The following SLC7A6 variants were observed in gnomAD, a reference collection of about 807,000 sequenced individuals.
SLC7A6 encodes the protein solute carrier family 7 member 6.
Under a neutral mutation model 46.6 loss-of-function variants are expected in SLC7A6, and 29 were observed. The ratio of observed to expected loss-of-function variants is 0.62; its 90% CI spans 0.46 to 0.85. The LOEUF is 0.85. SLC7A6 is among the 40% of genes least tolerant of loss of function. The pLI, the probability that SLC7A6 is intolerant of heterozygous loss-of-function variation, is 0.00. For missense variants in SLC7A6, 527 were observed against 647.6 expected (o/e 0.81, Z 2.02); for synonymous variants, 276 against 257.3 (o/e 1.07, Z -0.70).
In SLC7A6 at chr16:68,276,457, T is replaced by C. The variant is rs978763337; in HGVS notation, c.523+1208T>C. Among the ~76,000 whole-genome samples, 3 of 152,196 alleles carry C rather than the reference T, an allele frequency of 2.0e-5. No homozygotes were observed. The South Asian group carries it at 6.2e-4, about 32-fold the overall frequency. On this transcript the variant is annotated intron_variant, in intron 3 of 10. Transcript: ENST00000219343. ...TATGCAGTTTATCCAGTGTTAAAAA[T>C]AGCCTGAGAGTACCTTGGAGTTAGC... is the stretch of plus-strand genomic sequence containing the variant.
chr16:68,297,196 T>C, intron 10 of SLC7A6, 38 bp from the exon 11 acceptor site: 1 of 1,594,496 alleles, frequency 6.3e-7, no homozygotes, highest in Non-Finnish European at 8.6e-7. Context: ...TGTAGCTAGA[T>C]GTTTACTAAA....
In SLC7A6 at chr16:68,297,446, T is replaced by G; in HGVS notation, c.*118T>G. On this transcript the variant is annotated 3_prime_UTR_variant, in exon 11 of 11. Transcript: ENST00000219343. ...GGAGCCTTTTGACCCAATCATATAG[T>G]GGGGCTCAGGGCCAGTGCTCACTCT... is the stretch of plus-strand genomic sequence containing the variant. 2.8e-6 allele frequency: 2 copies of G among 721,226 alleles called. No homozygotes were observed. Among genetic ancestry groups the G allele is most frequent in the East Asian group, 6.5e-5 (2 of 30,944 alleles). The allele number at this position is 721,226 out of a possible 1,614,324, so 44.7% of individuals were successfully genotyped here.
intron 5 of SLC7A6, chr16:68,290,903 G>T (rs1746165443): frequency 4.2e-6 from 2 of 478,188 alleles, no homozygotes; most frequent in South Asian, 4.4e-5. Context: ...CTGGCATCCA[G>T]TCCCCAGGAC....
chr16:68,284,632 A>G, intron 3 of SLC7A6: 1 of 985,284 alleles, frequency 1.0e-6, no homozygotes, highest in Non-Finnish European at 1.2e-6. Context: ...GAGAAGGATC[A>G]GAAGTGAGAC....
intron 5 of SLC7A6, 34 bp downstream of exon 5, chr16:68,290,574 T>C (rs745379339): frequency 1.2e-6 from 2 of 1,613,090 alleles, no homozygotes; most frequent in Admixed American, 3.3e-5. Context: ...CTCCCCAGCT[T>C]GGCTGGAACT....
At position 68,289,828 on chromosome 16, in the gene SLC7A6, C is replaced by T. The variant is rs1425027656; in HGVS notation, c.650-568C>T. ...TAGCATGTCATCTCCCCCATGCAAC[C>T]ATAGCTACCGCAAGTAGAGCAGCAT... On this transcript the variant is annotated intron_variant, in intron 4 of 10. Coordinates refer to ENST00000219343, the MANE Select transcript of SLC7A6 (RefSeq NM_003983.6). Among the ~76,000 whole-genome samples, 11 of 152,124 alleles carry T rather than the reference C, an allele frequency of 7.2e-5. 1 individual carries two copies. Among genetic ancestry groups the T allele is most frequent in the African/African-American group, 1.9e-4 (8 of 41,434 alleles).
At chr16:68,280,424 T>C (rs2042809153) in intron 3 of SLC7A6, among the ~76,000 whole-genome samples, 3 of 152,160 alleles carry the variant, frequency 2.0e-5, no homozygotes, top group East Asian at 1.9e-4. Context: ...GCCCCAGAGA[T>C]AGATTTGTTT....
chr16:68,268,158 G>T (rs2042567399), intron 2 of SLC7A6, among the ~76,000 whole-genome samples: 1 of 152,204 alleles, frequency 6.6e-6, no homozygotes, highest in African/African-American at 2.4e-5. Flanking sequence ...GAGGAGTCTT[G>T]GGAGCCCCAA....
chr16:68,284,671 G>GT (rs2042891227), intron 3 of SLC7A6: 2 of 984,812 alleles, frequency 2.0e-6, no homozygotes, highest in Non-Finnish European at 1.2e-6. Context: ...TCTGAGGAGT[G>GT]TATCAGCTTC....
intron 1 of SLC7A6, chr16:68,265,793 C>T (rs1338356105): frequency 1.3e-5 from 2 of 152,120 alleles, no homozygotes; most frequent in Admixed American, 6.5e-5. Context: ...AAACCACCAG[C>T]CTGATTTTCT....
At chr16:68,281,298 G>T (rs2042824535) in intron 3 of SLC7A6, among the ~76,000 whole-genome samples, 2 of 152,204 alleles carry the variant, frequency 1.3e-5, no homozygotes, top group African/African-American at 4.8e-5. Flanking sequence ...TTCTCAGCCA[G>T]AGGGGAGTTT....
intron 10 of SLC7A6, 101 bp downstream of exon 10, chr16:68,296,911 G>GGTCACATGGCCTCCAGCA: frequency 7.9e-7 from 1 of 1,273,118 alleles, no homozygotes; most frequent in Non-Finnish European, 1.1e-6. Context: ...GAATTTGCTG[G>GGTCACATGGCCTCCAGCA]AGGCCATGTG....
chr16:68,285,999 G>C (rs1164668315), intron 3 of SLC7A6, among the ~76,000 whole-genome samples: 1 of 150,498 alleles, frequency 6.6e-6, no homozygotes, highest in African/African-American at 2.5e-5. Flanking sequence ...AGGAGGTTGA[G>C]GTGGGAAGAT....
chr16:68,268,944 T>C (rs976950454), intron 2 of SLC7A6, among the ~76,000 whole-genome samples: 1 of 152,094 alleles, frequency 6.6e-6, no homozygotes, highest in African/African-American at 2.4e-5. Flanking sequence ...GAGGCGGAGG[T>C]TGCAGTGAGC....
chr16:68,264,808 T>C lies in SLC7A6; in HGVS notation c.-166+232T>C, dbSNP rs916609254. The C allele has an allele frequency of 1.3e-5, 2 of 152,228 alleles. No homozygotes were observed. Among genetic ancestry groups the C allele is most frequent in the East Asian group, 3.9e-4 (2 of 5,162 alleles). The allele number at this position is 152,228 out of a possible 1,614,324, so 9.4% of individuals were successfully genotyped here. On this transcript the variant is annotated intron_variant, in intron 1 of 10. Transcript: ENST00000219343. The surrounding 1 kb of genome is among the most constrained non-coding windows in gnomAD (Gnocchi z 5.8). ...AGGGCCGAGTGTGGGAGAAACGCTG[T>C]ATGGGTGCGAGCCCCGGAGGCTGAT...
chr16:68,268,739 C>T (rs2042576385), intron 2 of SLC7A6, among the ~76,000 whole-genome samples: 1 of 152,162 alleles, frequency 6.6e-6, no homozygotes, highest in South Asian at 2.1e-4. Flanking sequence ...GGTGTGGTGG[C>T]TCACGCCTGT....
intron 2 of SLC7A6, among the ~76,000 whole-genome samples, chr16:68,267,197 T>C (rs2042548066): frequency 6.9e-6 from 1 of 145,434 alleles, no homozygotes; most frequent in South Asian, 2.2e-4. Context: ...AGCCTCCCAA[T>C]TGTGGTGGAT....
rs2043050272 is a variant in SLC7A6 at position 68,291,550 on chromosome 16, GC to G, written c.919-3del. ...CGTTTAAGTGCCTTTTCTGTGCCCT[GC>G]CCCCAGACATTTGCTGACCAGACGT... On this transcript the variant is annotated splice_region_variant and splice_polypyrimidine_tract_variant and intron_variant, in intron 6 of 10. Coordinates refer to ENST00000219343, the MANE Select transcript of SLC7A6 (RefSeq NM_003983.6). 3 of 1,613,880 alleles carry G rather than the reference GC, an allele frequency of 1.9e-6. No homozygotes were observed. The highest frequency in any genetic ancestry group is 1.7e-5 in the Admixed American group (1 of 59,986).
chr16:68,276,079 T>C lies in SLC7A6; in HGVS notation c.523+830T>C, dbSNP rs199742066. ...TTCAGGCCCACAGGACCCTTTCCTGTCTGCCATTGCTGCTCTTTGCGGCTT... is the reference window on the plus strand; with the variant it reads ...TTCAGGCCCACAGGACCCTTTCCTGCCTGCCATTGCTGCTCTTTGCGGCTT... On this transcript the variant is annotated intron_variant, in intron 3 of 10. Coordinates refer to ENST00000219343, the MANE Select transcript of SLC7A6 (RefSeq NM_003983.6). 7.2e-5 allele frequency among the ~76,000 whole-genome samples: 11 copies of C among 152,324 alleles called. No homozygotes were observed. In the East Asian group the frequency reaches 1.7e-3, roughly 24 times the overall value.
Sources: gnomAD v4.1 joint callset for allele counts (sites outside exome capture counted in the v4.1 genomes callset) on GRCh38, gnomAD v4.1.1 for gene constraint, Gnocchi (gnomAD v3.1) non-coding constraint, MANE v1.5 for transcripts, NCBI Gene and HGNC (gene_info 2026-07-23, HGNC 2026-07-21) for gene names.